Variants in PDE4D observed in about 807,000 individuals in gnomAD.
PDE4D encodes the protein 3',5'-cyclic-AMP phosphodiesterase 4D.
Under a neutral mutation model 87.4 loss-of-function variants are expected in PDE4D, and 24 were observed. That is an observed-to-expected ratio of 0.27 (90% CI 0.20 to 0.39). The LOEUF is 0.39. PDE4D is among the 10% of genes least tolerant of loss of function. The probability of loss-of-function intolerance (pLI) is 1.00; values close to 1 mark genes in which losing one functional copy is unlikely to be tolerated. For synonymous variants in PDE4D, 384 were observed against 383.2 expected (o/e 1.00, Z -0.02); for missense variants, 714 against 1,041.0 (o/e 0.69, Z 4.32).
chr5:59,489,660 G>A lies in PDE4D; in HGVS notation c.456-273692C>T, dbSNP rs1805828568. On this transcript the variant is annotated intron_variant, in intron 1 of 14. Coordinates refer to ENST00000340635, the MANE Select transcript of PDE4D (RefSeq NM_001104631.2). ...AACATTTGAATTAATAAGATTTGGGGTGCCTTAGCTGCATGGAAGAATCCT... is the reference window on the plus strand; with the variant it reads ...AACATTTGAATTAATAAGATTTGGGATGCCTTAGCTGCATGGAAGAATCCT... 2.6e-5 allele frequency among the ~76,000 whole-genome samples: 4 copies of A among 152,118 alleles called. No individual in the cohort carries two copies. In the South Asian group the frequency reaches 8.3e-4, roughly 32 times the overall value.
intron 6 of PDE4D, among the ~76,000 whole-genome samples, chr5:59,018,536 T>C (rs557019556): frequency 6.6e-6 from 1 of 152,218 alleles, no homozygotes; most frequent in South Asian, 2.1e-4. Flanking sequence ...CTTAACCAAA[T>C]ATGTAAAAAA....
chr5:59,125,869 A>G (rs146085417), intron 5 of PDE4D, among the ~76,000 whole-genome samples: 1 of 152,260 alleles, frequency 6.6e-6, no homozygotes, highest in Non-Finnish European at 1.5e-5. Context: ...ACAGTGTTAA[A>G]GTCAAAGTCA....
chr5:59,217,864 C>G (rs1041227496), intron 1 of PDE4D: 24 of 312,600 alleles, frequency 7.7e-5, no homozygotes, highest in Non-Finnish European at 1.5e-4. Flanking sequence ...AGGATGGTCT[C>G]TAATCATTCA....
chr5:59,238,173 T>C (rs955898694), intron 1 of PDE4D, among the ~76,000 whole-genome samples: 1 of 152,162 alleles, frequency 6.6e-6, no homozygotes, highest in Non-Finnish European at 1.5e-5. Context: ...ATGGAGAACA[T>C]GCCATTTAGA....
chr5:59,020,308 C>T (rs892644428), intron 6 of PDE4D, among the ~76,000 whole-genome samples: 1 of 151,216 alleles, frequency 6.6e-6, no homozygotes, highest in South Asian at 2.1e-4. Flanking sequence ...AACCCCATCT[C>T]TACTAAAAAC....
At chr5:60,366,043 C>T (rs924562863) in intron 1 of PDE4D, among the ~76,000 whole-genome samples, 1 of 70,722 alleles carries the variant, frequency 1.4e-5, no homozygotes, top group African/African-American at 5.2e-5. Flanking sequence ...GACTCTGTCT[C>T]AAAAAAAAAA....
intron 5 of PDE4D, among the ~76,000 whole-genome samples, chr5:59,081,748 T>C (rs1442843925): frequency 6.6e-6 from 1 of 152,142 alleles, no homozygotes; most frequent in African/African-American, 2.4e-5. Context: ...TCCTCTATAG[T>C]ATAAAGTTGA....
chr5:60,299,033 A>C (rs1331652616), intron 1 of PDE4D, among the ~76,000 whole-genome samples: 3 of 152,222 alleles, frequency 2.0e-5, no homozygotes, highest in African/African-American at 7.2e-5. Context: ...AATATTAACT[A>C]CTGGATTGTG....
At chr5:59,045,702 G>T (rs1278948886) in intron 5 of PDE4D, among the ~76,000 whole-genome samples, 2 of 152,058 alleles carry the variant, frequency 1.3e-5, no homozygotes, top group African/African-American at 4.8e-5. Flanking sequence ...TCAGGCATCT[G>T]CAGGTAGGAC....
intron 2 of PDE4D, among the ~76,000 whole-genome samples, chr5:60,018,844 T>C (rs1248912299): frequency 6.6e-6 from 1 of 152,114 alleles, no homozygotes; most frequent in Non-Finnish European, 1.5e-5. Flanking sequence ...ATAGAACAAG[T>C]TCTTAGAGAC....
chr5:59,055,123 T>G (rs1051649380), intron 5 of PDE4D, among the ~76,000 whole-genome samples: 38 of 152,284 alleles, frequency 2.5e-4, no homozygotes, highest in African/African-American at 9.1e-4. Context: ...ATGACATGGT[T>G]GCTGGGCATC....
At chr5:59,331,778 G>A (rs1776771654) in intron 1 of PDE4D, among the ~76,000 whole-genome samples, 1 of 152,192 alleles carries the variant, frequency 6.6e-6, no homozygotes, top group Non-Finnish European at 1.5e-5. Context: ...ATAAAACACA[G>A]TCACTCTGAA....
At chr5:60,430,307 G>A (rs1401156519) in intron 1 of PDE4D, 1 of 471,614 alleles carries the variant, frequency 2.1e-6, no homozygotes, top group African/African-American at 2.0e-5. Flanking sequence ...AAGGAAACTG[G>A]CCACTATTCT....
intron 1 of PDE4D, among the ~76,000 whole-genome samples, chr5:59,535,980 A>G (rs1815141872): frequency 6.6e-6 from 1 of 152,228 alleles, no homozygotes; most frequent in Non-Finnish European, 1.5e-5. Context: ...TAGCACAGTA[A>G]CATTACATTG....
chr5:59,591,570 A>C (rs1301071557), intron 1 of PDE4D, among the ~76,000 whole-genome samples: 2 of 152,340 alleles, frequency 1.3e-5, no homozygotes, highest in East Asian at 3.9e-4. Context: ...ACTTGATGAA[A>C]TAAAACTCCT....
chr5:59,397,478 C>T (rs557975027), intron 1 of PDE4D, among the ~76,000 whole-genome samples: 17,966 of 115,654 alleles, frequency 0.16, 5,331 homozygotes, highest in Non-Finnish European at 0.19. Context: ...TCCTGAATGA[C>T]TACTGGGTAC....
At chr5:59,342,138 A>T (rs1201541940) in intron 1 of PDE4D, among the ~76,000 whole-genome samples, 1 of 152,156 alleles carries the variant, frequency 6.6e-6, no homozygotes, top group African/African-American at 2.4e-5. Flanking sequence ...TTAGATAATG[A>T]TTTGTTAGCT....
At chr5:60,387,710 C>T (rs1036546052) in intron 1 of PDE4D, among the ~76,000 whole-genome samples, 6 of 152,148 alleles carry the variant, frequency 3.9e-5, no homozygotes, top group Admixed American at 2.0e-4. Flanking sequence ...TCTACTCTCA[C>T]GCCACCACAA....
At chr5:59,300,681 T>C (rs893423690) in intron 1 of PDE4D, among the ~76,000 whole-genome samples, 3 of 151,828 alleles carry the variant, frequency 2.0e-5, no homozygotes, top group Admixed American at 1.3e-4. Flanking sequence ...ATGTGAGGTT[T>C]CCCCCCCACA....
Sources: allele counts gnomAD v4.1 joint callset (sites outside exome capture counted in the v4.1 genomes callset), GRCh38; gene constraint gnomAD v4.1.1; transcripts MANE v1.5; gene names NCBI Gene and HGNC (gene_info 2026-07-23, HGNC 2026-07-21).